UNC5C: variants seen among roughly 807,000 people sequenced by gnomAD.
UNC5C encodes the protein netrin receptor UNC5C.
UNC5C carries 47 observed loss-of-function variants against 99.8 expected under a neutral mutation model. That is an observed-to-expected ratio of 0.47 (90% CI 0.37 to 0.60). The LOEUF (loss-of-function observed/expected upper bound fraction) is 0.60, where lower values mean the gene tolerates loss of function less well. Ranked by LOEUF, UNC5C falls within the 20% of genes least tolerant of loss-of-function variation. UNC5C has a pLI of 0.00. For synonymous variants in UNC5C, 487 were observed against 452.2 expected (o/e 1.08, Z -0.98); for missense variants, 1,062 against 1,165.9 (o/e 0.91, Z 1.30).
chr4:95,455,789 A>G (rs1405153829), intron 1 of UNC5C, among the ~76,000 whole-genome samples: 1 of 152,122 alleles, frequency 6.6e-6, no homozygotes, highest in African/African-American at 2.4e-5. Flanking sequence ...TATTAGTTCA[A>G]GTTATTAATA....
Position 95,242,382 on chromosome 4 carries a change from C to A in UNC5C, c.1108+47G>T, listed in dbSNP as rs113765762. ...TTTCCTTAAAAAACTCCAAATGGTTCAATCTCCAGCCCCCTCAATGTCTGC... is the reference window on the plus strand; with the variant it reads ...TTTCCTTAAAAAACTCCAAATGGTTAAATCTCCAGCCCCCTCAATGTCTGC... On this transcript the variant is annotated intron_variant, in intron 7 of 15. Coordinates refer to ENST00000453304, the MANE Select transcript of UNC5C (RefSeq NM_003728.4). 2.5e-6 allele frequency: 4 copies of A among 1,606,662 alleles called. No individual in the cohort carries two copies. The South Asian group carries it at 4.4e-5, about 18-fold the overall frequency.
At chr4:95,515,209 A>G (rs1371743992) in intron 1 of UNC5C, among the ~76,000 whole-genome samples, 5 of 152,222 alleles carry the variant, frequency 3.3e-5, no homozygotes, top group Non-Finnish European at 5.9e-5. Flanking sequence ...CTAGTAGTAT[A>G]TATGTAATTA....
At chr4:95,322,650 G>A (rs537657135) in intron 2 of UNC5C, among the ~76,000 whole-genome samples, 8 of 152,064 alleles carry the variant, frequency 5.3e-5, no homozygotes, top group African/African-American at 1.9e-4. Flanking sequence ...AAAAATGGTT[G>A]AATATTGGCC....
chr4:95,383,227 A>G (rs1745119893), intron 1 of UNC5C, among the ~76,000 whole-genome samples: 1 of 151,932 alleles, frequency 6.6e-6, no homozygotes, highest in South Asian at 2.1e-4. Flanking sequence ...CAAAGGACAC[A>G]TCAGTTATCT....
chr4:95,541,078 A>G (rs1471568628), intron 1 of UNC5C, among the ~76,000 whole-genome samples: 2 of 152,206 alleles, frequency 1.3e-5, no homozygotes, highest in Non-Finnish European at 2.9e-5. Context: ...AAATTCATAG[A>G]GAATAGAAGA....
At chr4:95,385,594 T>C (rs1445242803) in intron 1 of UNC5C, among the ~76,000 whole-genome samples, 1 of 152,164 alleles carries the variant, frequency 6.6e-6, no homozygotes, top group African/African-American at 2.4e-5. Flanking sequence ...TACACGGCCA[T>C]GAGAGGACTT....
intron 1 of UNC5C, among the ~76,000 whole-genome samples, chr4:95,482,628 G>T (rs1271149111): frequency 6.9e-6 from 1 of 145,978 alleles, no homozygotes; most frequent in African/African-American, 2.6e-5. Context: ...AACAATGATA[G>T]ACTGGATTAA....
At chr4:95,478,478 T>G (rs1274601232) in intron 1 of UNC5C, among the ~76,000 whole-genome samples, 1 of 152,020 alleles carries the variant, frequency 6.6e-6, no homozygotes, top group Non-Finnish European at 1.5e-5. Flanking sequence ...TGCTTCAAAT[T>G]CACCATATAT....
intron 4 of UNC5C, among the ~76,000 whole-genome samples, chr4:95,273,431 C>G (rs996775926): frequency 6.6e-6 from 1 of 152,134 alleles, no homozygotes; most frequent in Non-Finnish European, 1.5e-5. Context: ...TCTGGCTCTC[C>G]ATGTGACAGT....
Position 95,329,866 on chromosome 4 carries a change from C to G in UNC5C, c.346+5544G>C, listed in dbSNP as rs371440622. ...TCTTAATTTAAAAGACTATGCCCAC[C>G]ACTGAAACCAACCAACCAACTGCCA... On this transcript the variant is annotated intron_variant, in intron 2 of 15. Transcript: ENST00000453304. 1.1e-3 allele frequency among the ~76,000 whole-genome samples: 174 copies of G among 152,194 alleles called. 1 individual carries two copies. The highest frequency in any genetic ancestry group is 3.7e-3 in the African/African-American group (154 of 41,540).
At chr4:95,278,481 CTTTTTTT>C (rs879604007) in intron 3 of UNC5C, 119 bp from the exon 4 acceptor site, 1 of 436,604 alleles carries the variant, frequency 2.3e-6, no homozygotes, top group Non-Finnish European at 3.7e-6. Flanking sequence ...TTTCTTTTTT[CTTTTTTT>C]TTTTGAGACA....
At chr4:95,231,806 T>G (rs1738922082) in intron 7 of UNC5C, among the ~76,000 whole-genome samples, 1 of 152,192 alleles carries the variant, frequency 6.6e-6, no homozygotes, top group East Asian at 1.9e-4. Flanking sequence ...TTATTATAAT[T>G]TACCACTCTT....
At chr4:95,226,540 G>C (rs1371418255) in intron 7 of UNC5C, among the ~76,000 whole-genome samples, 2 of 152,140 alleles carry the variant, frequency 1.3e-5, no homozygotes, top group Non-Finnish European at 2.9e-5. Flanking sequence ...TATCTAATGA[G>C]TGATCTTAGG....
chr4:95,402,170 T>C lies in UNC5C; in HGVS notation c.125-66539A>G, dbSNP rs572400842. ...AATCCACTTCTACCTACTTGTAATT[T>C]TTTTCAGAATGCCTTCTAATTGATG... is the stretch of plus-strand genomic sequence containing the variant. On this transcript the variant is annotated intron_variant, in intron 1 of 15. Transcript: ENST00000453304. Among the ~76,000 whole-genome samples, 4 of 152,394 alleles carry C rather than the reference T, an allele frequency of 2.6e-5. No homozygotes were observed. In the East Asian group the frequency reaches 7.7e-4, roughly 29 times the overall value.
At chr4:95,404,533 C>T (rs1745783430) in intron 1 of UNC5C, among the ~76,000 whole-genome samples, 1 of 152,070 alleles carries the variant, frequency 6.6e-6, no homozygotes, top group South Asian at 2.1e-4. Flanking sequence ...TAATAATGGG[C>T]CACATACGTT....
chr4:95,469,786 T>C (rs1467426858), intron 1 of UNC5C, among the ~76,000 whole-genome samples: 2 of 152,186 alleles, frequency 1.3e-5, no homozygotes, highest in Admixed American at 1.3e-4. Context: ...TTTACTGTAT[T>C]GCACTAAACA....
intron 5 of UNC5C, chr4:95,248,736 A>G (rs1310326662): frequency 2.8e-6 from 1 of 354,756 alleles, no homozygotes; most frequent in East Asian, 8.0e-5. Flanking sequence ...TTCATATACC[A>G]TAATGGTCTG....
intron 1 of UNC5C, among the ~76,000 whole-genome samples, chr4:95,525,471 A>C (rs1722473373): frequency 6.6e-6 from 1 of 151,942 alleles, no homozygotes; most frequent in Admixed American, 6.6e-5. Flanking sequence ...GATTTTTGTA[A>C]ATCCCACAAG....
chr4:95,276,822 C>T (rs1173753070), intron 4 of UNC5C, among the ~76,000 whole-genome samples: 1 of 151,638 alleles, frequency 6.6e-6, no homozygotes, highest in Admixed American at 6.6e-5. Context: ...GCATGAGATG[C>T]CAAATTAAGG....
Sources: allele counts gnomAD v4.1 joint callset (sites outside exome capture counted in the v4.1 genomes callset), GRCh38; gene constraint gnomAD v4.1.1; transcripts MANE v1.5; gene names NCBI Gene and HGNC (gene_info 2026-07-23, HGNC 2026-07-21).